Variants in EDC3 observed in about 807,000 individuals in gnomAD.
EDC3 encodes the protein enhancer of mRNA decapping 3.
Under a neutral mutation model 41.8 loss-of-function variants are expected in EDC3, and 20 were observed. That is an observed-to-expected ratio of 0.48 (90% CI 0.34 to 0.70). EDC3 has a LOEUF of 0.70. Among genes scored for constraint, EDC3 ranks in the 30% least tolerant of loss-of-function variants. EDC3 has a pLI of 0.01. For synonymous variants in EDC3, 206 were observed against 243.2 expected, an observed-to-expected ratio of 0.85 and a Z score of 1.42; for missense variants, 444 against 636.8, an observed-to-expected ratio of 0.70 and a Z score of 3.26.
At chr15:74,670,578 C>T (rs994982678) in intron 3 of EDC3, among the ~76,000 whole-genome samples, 1 of 152,074 alleles carries the variant, frequency 6.6e-6, no homozygotes, top group East Asian at 1.9e-4. Flanking sequence ...TACAGGCATG[C>T]ACCTCCACGT....
At chr15:74,677,182 C>A (rs1329176625) in intron 1 of EDC3, among the ~76,000 whole-genome samples, 3 of 151,948 alleles carry the variant, frequency 2.0e-5, no homozygotes, top group Non-Finnish European at 4.4e-5. Flanking sequence ...CCTGCCTCAG[C>A]CTCCTGAGTA....
chr15:74,667,477 G>A (rs1454568507), intron 3 of EDC3, among the ~76,000 whole-genome samples: 1 of 83,320 alleles, frequency 1.2e-5, no homozygotes, highest in Non-Finnish European at 2.4e-5. Context: ...GAGGGAGGAG[G>A]AGGGAGGAGG....
At chr15:74,648,272 A>AAACACTG (rs2062440073) in intron 4 of EDC3, among the ~76,000 whole-genome samples, 1 of 152,228 alleles carries the variant, frequency 6.6e-6, no homozygotes. Flanking sequence ...GAGGAGATAA[A>AAACACTG]AACACTGCTG....
At chr15:74,659,530 T>C (rs1045593796) in intron 3 of EDC3, among the ~76,000 whole-genome samples, 3 of 145,162 alleles carry the variant, frequency 2.1e-5, no homozygotes, top group Non-Finnish European at 4.5e-5. Flanking sequence ...AATGAAAATA[T>C]GATGTGATTA....
intron 3 of EDC3, among the ~76,000 whole-genome samples, chr15:74,657,168 C>T (rs995301152): frequency 4.6e-5 from 7 of 152,246 alleles, no homozygotes; most frequent in Non-Finnish European, 1.0e-4. Flanking sequence ...GCCCACTGAG[C>T]TGTTAACACT....
chr15:74,647,280 C>G (rs2062429741), intron 4 of EDC3, among the ~76,000 whole-genome samples: 1 of 152,116 alleles, frequency 6.6e-6, no homozygotes, highest in Non-Finnish European at 1.5e-5. Context: ...TGCTAAATTT[C>G]AAGAGAATGG....
At chr15:74,634,787 C>A (rs139571306) in intron 6 of EDC3, among the ~76,000 whole-genome samples, 12 of 152,334 alleles carry the variant, frequency 7.9e-5, no homozygotes, top group Non-Finnish European at 1.6e-4. Context: ...ATCACAACAG[C>A]ATCTTGACAC....
At chr15:74,647,320 A>T (rs1253208027) in intron 4 of EDC3, among the ~76,000 whole-genome samples, 1 of 152,098 alleles carries the variant, frequency 6.6e-6, no homozygotes, top group Non-Finnish European at 1.5e-5. Context: ...CTCCTTTCTC[A>T]CTCTGTCTAG....
chr15:74,680,934 T>C (rs532959705), intron 1 of EDC3, among the ~76,000 whole-genome samples: 2 of 152,156 alleles, frequency 1.3e-5, no homozygotes, highest in African/African-American at 4.8e-5. Context: ...GTACAGGATT[T>C]GTATACTGAA....
intron 1 of EDC3, among the ~76,000 whole-genome samples, chr15:74,694,761 C>T (rs2141695508): frequency 6.6e-6 from 1 of 152,076 alleles, no homozygotes; most frequent in South Asian, 2.1e-4. Flanking sequence ...TGTGCAGGGG[C>T]ACAATAAGTC....
In EDC3 at chr15:74,640,582, C is replaced by T; in HGVS notation, c.858G>A (p.Leu286=). 1 of 1,614,174 alleles carries T rather than the reference C, an allele frequency of 6.2e-7. No individual in the cohort carries two copies. The highest frequency in any genetic ancestry group is 8.5e-7 in the Non-Finnish European group (1 of 1,180,028). Residue 286 remains leucine (L), a synonymous_variant, in exon 5 of 7, where the codon CTG becomes CTA. Coordinates refer to ENST00000315127, the MANE Select transcript of EDC3 (RefSeq NM_025083.5). ...CAGCCACGGACAACAGCTTTTTATG[C>T]AGCTCATAGGAAATACTTGGGACAA... ...GLVVPSISYE[L]HKKLLSVAEK...
chr15:74,669,189 C>G (rs56288642), intron 3 of EDC3, among the ~76,000 whole-genome samples: 1 of 151,676 alleles, frequency 6.6e-6, no homozygotes. Flanking sequence ...ACTAAAAATA[C>G]AAAATTAGCC....
chr15:74,657,334 C>A (rs939689628), intron 3 of EDC3, among the ~76,000 whole-genome samples: 1 of 152,260 alleles, frequency 6.6e-6, no homozygotes, highest in African/African-American at 2.4e-5. Context: ...CCTGCACCGG[C>A]TCACATGTGC....
At position 74,635,437 on chromosome 15, in the gene EDC3, G is replaced by A; in HGVS notation, c.1164C>T (p.Thr388=). 2 of 1,614,248 alleles carry A rather than the reference G, an allele frequency of 1.2e-6. No individual in the cohort carries two copies. The highest frequency in any genetic ancestry group is 8.5e-7 in the Non-Finnish European group (1 of 1,180,046). Reference sequence around the variant, plus strand: ...TGAGGCTAGACACTTGTTGGCCTTGGGTCTTGCTGAAGAGCGACAGCTCAT... The same window carrying A: ...TGAGGCTAGACACTTGTTGGCCTTGAGTCTTGCTGAAGAGCGACAGCTCAT... ...ITNELSLFSK[T]QGQQVSSLKD... Residue 388 remains threonine (T), a synonymous_variant, in exon 6 of 7, where the codon ACC becomes ACT. Transcript: ENST00000315127.
At position 74,671,474 on chromosome 15, in the gene EDC3, G is replaced by A. The variant is rs761464346; in HGVS notation, c.465C>T (p.Phe155=). Reference sequence around the variant, plus strand: ...ACTTACAGGAGTTGTGCCGACGACGGAAACTTTTGGACTGACTCAAGGATT... The same window carrying A: ...ACTTACAGGAGTTGTGCCGACGACGAAAACTTTTGGACTGACTCAAGGATT... The part of the protein sequence containing the change: ...HMESLSQSKS[F]RRRHNSWSSS... The change falls in exon 3 of 7, where the codon TTC becomes TTT. Residue 155 remains phenylalanine (F), a synonymous_variant. Coordinates refer to ENST00000315127, the MANE Select transcript of EDC3 (RefSeq NM_025083.5). The surrounding 1 kb of genome is among the most constrained non-coding windows in gnomAD (Gnocchi z 4.6). 21 of 1,607,696 alleles carry A rather than the reference G, an allele frequency of 1.3e-5. No individual in the cohort carries two copies. The highest frequency in any genetic ancestry group is 1.8e-5 in the Non-Finnish European group (21 of 1,174,972).
At position 74,632,335 on chromosome 15, in the gene EDC3, G is replaced by C; in HGVS notation, c.*277C>G. On this transcript the variant is annotated 3_prime_UTR_variant, in exon 7 of 7. Coordinates refer to ENST00000315127, the MANE Select transcript of EDC3 (RefSeq NM_025083.5). The surrounding 1 kb of genome is among the most constrained non-coding windows in gnomAD (Gnocchi z 4.0). ...ACAGTCTTGAGAGCTGCCTACGGCTGTAAACAAAGGCCCACCTGGCCGTGC... is the reference window on the plus strand; with the variant it reads ...ACAGTCTTGAGAGCTGCCTACGGCTCTAAACAAAGGCCCACCTGGCCGTGC... 1 of 503,240 alleles carries C rather than the reference G, an allele frequency of 2.0e-6. No individual in the cohort carries two copies. The highest frequency in any genetic ancestry group is 3.6e-6 in the Non-Finnish European group (1 of 277,214). The allele number at this position is 503,240 out of a possible 1,614,324, so 31.2% of individuals were successfully genotyped here. A position where few individuals can be genotyped will look rare whatever the true frequency, so the allele number is the denominator to read the frequency against.
Position 74,632,933 on chromosome 15 carries a change from G to A in EDC3, c.1206C>T (p.Ser402=). The A allele has an allele frequency of 6.2e-7, 1 of 1,613,902 alleles. No individual in the cohort carries two copies. Among genetic ancestry groups the A allele is most frequent in the Non-Finnish European group, 8.5e-7 (1 of 1,179,782 alleles). ...QVSSLKDLPT[S]PVDLVINCLD... is the part of the protein sequence containing the mutation. ...GGCAGTTGATGACCAGGTCCACAGG[G>A]CTAGTGGGCAGATCTGCAGGTGGAA... Residue 402 remains serine, a synonymous_variant, in exon 7 of 7, where the codon AGC becomes AGT. Transcript: ENST00000315127. This position sits in a 1 kb window ranked among gnomAD's most constrained non-coding sequence, Gnocchi z 4.0.
intron 1 of EDC3, chr15:74,679,773 A>C (rs976320380): frequency 1.3e-5 from 2 of 150,034 alleles, no homozygotes; most frequent in Non-Finnish European, 3.0e-5. Flanking sequence ...AAAAAAAAAA[A>C]AAAAAAAAAC....
chr15:74,694,749 A>T lies in EDC3; in HGVS notation c.-19+1131T>A, dbSNP rs573978136. On this transcript the variant is annotated intron_variant, in intron 1 of 6. Transcript: ENST00000315127. Reference sequence around the variant, plus strand: ...GGTGTGTGTGTGTGTGTACACACTGAGTGTGCAGGGGCACAATAAGTCATG... The same window carrying T: ...GGTGTGTGTGTGTGTGTACACACTGTGTGTGCAGGGGCACAATAAGTCATG... 1.1e-4 allele frequency among the ~76,000 whole-genome samples: 16 copies of T among 152,278 alleles called. No homozygotes were observed. In the South Asian group the frequency reaches 3.3e-3, roughly 32 times the overall value.
Sources: allele counts gnomAD v4.1 joint callset (sites outside exome capture counted in the v4.1 genomes callset), GRCh38; gene constraint gnomAD v4.1.1; non-coding constraint Gnocchi (gnomAD v3.1); transcripts MANE v1.5; gene names NCBI Gene and HGNC (gene_info 2026-07-23, HGNC 2026-07-21).